Variants in NTRK1 observed in about 807,000 individuals in gnomAD.
The protein encoded by NTRK1 is high affinity nerve growth factor receptor.
Under a neutral mutation model 86.8 loss-of-function variants are expected in NTRK1, and 62 were observed. The observed-to-expected ratio is 0.71, with a 90% CI of 0.58 to 0.88. NTRK1 has a LOEUF of 0.88. Ranked by LOEUF, NTRK1 falls within the 40% of genes least tolerant of loss-of-function variation. The pLI, the probability that NTRK1 is intolerant of heterozygous loss-of-function variation, is 0.00. For missense variants in NTRK1, 967 were observed against 1,078.4 expected, an observed-to-expected ratio of 0.90 and a Z score of 1.45; for synonymous variants, 469 against 456.6, an observed-to-expected ratio of 1.03 and a Z score of -0.35.
At chr1:156,869,121 G>C (rs562910238) in intron 6 of NTRK1, among the ~76,000 whole-genome samples, 2 of 146,836 alleles carry the variant, frequency 1.4e-5, no homozygotes, top group East Asian at 2.1e-4. Context: ...GCCCAGGCTG[G>C]AGTGCAGTGG....
At chr1:156,863,468 C>G (rs1423082849) in intron 1 of NTRK1, among the ~76,000 whole-genome samples, 1 of 152,146 alleles carries the variant, frequency 6.6e-6, no homozygotes, top group African/African-American at 2.4e-5. Flanking sequence ...CTCTTCTCCC[C>G]TCCTCGACAC....
rs2102905883 is a variant in NTRK1 at position 156,873,843 on chromosome 1, T to C, written c.1061T>C (p.Val354Ala). 1 of 1,610,456 alleles carries C rather than the reference T, an allele frequency of 6.2e-7. No individual in the cohort carries two copies. Among genetic ancestry groups the C allele is most frequent in the Non-Finnish European group, 8.5e-7 (1 of 1,178,384 alleles). Residue 354 changes from valine to alanine, a missense_variant, in exon 8 of 17, where the codon GTC becomes GCC. Val to Ala is a moderately conservative substitution (Grantham distance 64, BLOSUM62 0). Transcript: ENST00000524377. ...GCLRLNQPTH[V>A]NNGNYTLLAA... The stretch of plus-strand genomic sequence containing the variant: ...CTGCGCCTCAACCAGCCCACCCACG[T>C]CAACAACGGCAACTACACGCTGCTG...
rs757983512 is a variant in NTRK1, at chr1:156,876,071, CCCCCTCAGGTGTT to C, written c.1502-7_1507del. ...TGGGGCTACCGTCTGACCCTGCAAG[CCCCCTCAGGTGTT>C]CACCACATCAAGCGCCGGGACATCG... On this transcript the variant is annotated splice_acceptor_variant and splice_polypyrimidine_tract_variant and coding_sequence_variant and intron_variant, in exon 13 of 17. Coordinates refer to ENST00000524377, the MANE Select transcript of NTRK1 (RefSeq NM_002529.4). LOFTEE classifies it high-confidence loss of function. 2 of 1,614,182 alleles carry C rather than the reference CCCCCTCAGGTGTT, an allele frequency of 1.2e-6. No individual in the cohort carries two copies. Among genetic ancestry groups the C allele is most frequent in the Non-Finnish European group, 1.7e-6 (2 of 1,180,024 alleles).
intron 2 of NTRK1, chr1:156,846,775 G>C (rs1655030312): frequency 6.3e-7 from 1 of 1,591,440 alleles, no homozygotes; most frequent in Admixed American, 1.7e-5. Flanking sequence ...CCCATCCCCA[G>C]AGCTGAGGGG....
At chr1:156,816,576 C>G in intron 1 of NTRK1, 5 of 1,326,142 alleles carry the variant, frequency 3.8e-6, no homozygotes, top group Non-Finnish European at 5.2e-6. Flanking sequence ...AGGGTGGGGC[C>G]CCTCATCCCT....
At chr1:156,841,232 A>T in intron 1 of NTRK1, 2 of 951,444 alleles carry the variant, frequency 2.1e-6, no homozygotes, top group Non-Finnish European at 1.6e-6. Flanking sequence ...GTGAGAAGGG[A>T]TTAAATGGGA....
rs386368405 is a variant in NTRK1, at chr1:156,826,293, C to CTTTTTT, written c.-64+10473_-64+10478dup. ...ACGTTGTCCAGGCTAGACTTGAGCTCTTTTTTTTTTTTTTTTTTTTTTTCT... is the reference window on the plus strand; with the variant it reads ...ACGTTGTCCAGGCTAGACTTGAGCTCTTTTTTTTTTTTTTTTTTTTTTTTTTTTTCT... On this transcript the variant is annotated intron_variant, in intron 1 of 16. Coordinates refer to the NTRK1 transcript ENST00000392302. Among the ~76,000 whole-genome samples, 397 of 88,424 alleles carry CTTTTTT rather than the reference C, an allele frequency of 4.5e-3. 27 individuals are homozygous for CTTTTTT. Among genetic ancestry groups the CTTTTTT allele is most frequent in the Middle Eastern group, 0.013 (1 of 78 alleles). 58.0% of individuals were successfully genotyped at this position (88,424 alleles called of 152,430 possible). A position where few individuals can be genotyped will look rare whatever the true frequency, so the allele number is the denominator to read the frequency against.
chr1:156,870,015 G>A lies in NTRK1; in HGVS notation c.717+1368G>A, dbSNP rs984271458. On this transcript the variant is annotated intron_variant, in intron 6 of 16. Coordinates refer to ENST00000524377, the MANE Select transcript of NTRK1 (RefSeq NM_002529.4). The stretch of plus-strand genomic sequence containing the variant: ...ACCATGTTGAGGGAGATGCCACTGG[G>A]GCGCTGAGCAGGGGGCTTCAGACAT... Among the ~76,000 whole-genome samples, 3 of 152,222 alleles carry A rather than the reference G, an allele frequency of 2.0e-5. 1 individual carries two copies. Among genetic ancestry groups the A allele is most frequent in the African/African-American group, 7.2e-5 (3 of 41,460 alleles).
intron 2 of NTRK1, chr1:156,845,274 C>T (rs1339109112): frequency 1.2e-6 from 2 of 1,612,160 alleles, no homozygotes; most frequent in Middle Eastern, 1.6e-4. Context: ...GGCCCAGCTG[C>T]CCGGCGGTGC....
At position 156,881,622 on chromosome 1, in the gene NTRK1, T is replaced by C. The variant is rs750111437; in HGVS notation, c.2371T>C (p.Tyr791His). The C allele has an allele frequency of 2.1e-5, 34 of 1,608,888 alleles. No individual in the cohort carries two copies. Among genetic ancestry groups the C allele is most frequent in the Non-Finnish European group, 2.8e-5 (33 of 1,178,198 alleles). The change falls in exon 17 of 17, where the codon TAC (tyrosine) becomes CAC (histidine). Residue 791 changes from tyrosine (Y) to histidine (H), a missense_variant. By Grantham distance (83) the Tyr-to-His change is moderately conservative. Around this residue, in one of 2 missense-constraint regions of NTRK1, gnomAD observed 637 missense variants for 776.5 expected, o/e 0.82. Coordinates refer to ENST00000524377, the MANE Select transcript of NTRK1 (RefSeq NM_002529.4). ...LQALAQAPPV[Y>H]LDVLG The stretch of plus-strand genomic sequence containing the variant: ...AGCCCTGGCCCAGGCACCTCCTGTC[T>C]ACCTGGATGTCCTGGGCTAGGGGGC...
chr1:156,830,128 G>A (rs1017807261), intron 1 of NTRK1, among the ~76,000 whole-genome samples: 8 of 152,250 alleles, frequency 5.3e-5, no homozygotes, highest in African/African-American at 1.7e-4. Flanking sequence ...AGGCCTGAAC[G>A]CTGCTTTGCA....
chr1:156,874,664 C>T (rs2102910519), intron 10 of NTRK1, 38 bp downstream of exon 10: 1 of 1,595,588 alleles, frequency 6.3e-7, no homozygotes, highest in Non-Finnish European at 8.6e-7. Context: ...GACTTTGGGA[C>T]CGGGAGGCTG....
Position 156,861,945 on chromosome 1 carries a change from A to G in NTRK1, c.212+799A>G, listed in dbSNP as rs144320543. Among the ~76,000 whole-genome samples the G allele has an allele frequency of 2.6e-5, 4 of 152,210 alleles. No homozygotes were observed. In the East Asian group the frequency reaches 7.7e-4, roughly 29 times the overall value. On this transcript the variant is annotated intron_variant, in intron 1 of 16. Coordinates refer to ENST00000524377, the MANE Select transcript of NTRK1 (RefSeq NM_002529.4). ...TACTTTTTAGCAGCTGGTGAAACCT[A>G]TGGGAGTATGCGGTAATGACTGGCC...
intron 1 of NTRK1, among the ~76,000 whole-genome samples, chr1:156,822,952 T>C (rs909340909): frequency 1.8e-4 from 27 of 152,220 alleles, no homozygotes; most frequent in African/African-American, 6.3e-4. Context: ...GTAACCATAA[T>C]TGATGATCCC....
At chr1:156,858,744 G>A, upstream of NTRK1, 1 of 759,188 alleles carries the variant, frequency 1.3e-6, no homozygotes, top group South Asian at 1.5e-5. Flanking sequence ...GGCAGGGGCA[G>A]AGAGACAAGG....
In NTRK1 at chr1:156,854,329, T is replaced by A. The variant is rs780092687; in HGVS notation, c.51-10025T>A. ...CTGTGGGCATACACGGCACGCAGCA[T>A]TGAGTACAGCCCAGGCCAAATTCCC... On this transcript the variant is annotated intron_variant, in intron 2 of 16. Coordinates refer to the NTRK1 transcript ENST00000392302. This position sits in a 1 kb window ranked among gnomAD's most constrained non-coding sequence, Gnocchi z 4.2. The A allele has an allele frequency of 6.3e-7, 1 of 1,580,530 alleles. No individual in the cohort carries two copies. The highest frequency in any genetic ancestry group is 2.3e-5 in the East Asian group (1 of 44,306).
At chr1:156,860,681 T>G (rs1054045644), upstream of NTRK1, 56 of 559,720 alleles carry the variant, frequency 1.0e-4, 1 homozygote, top group Non-Finnish European at 1.6e-4. Context: ...CTGCCGGAGC[T>G]GAGGCGGATC....
In NTRK1 at chr1:156,839,798, T is replaced by C. The variant is rs550810078; in HGVS notation, c.-63-2283T>C. Among the ~76,000 whole-genome samples, 333 of 152,322 alleles carry C rather than the reference T, an allele frequency of 2.2e-3. 1 individual carries two copies. In the Middle Eastern group the frequency reaches 0.031, roughly 14 times the overall value. Reference sequence around the variant, plus strand: ...TGAGGTGTCCGGGACTGGTTGGTTCTGCTTGGAGGCTAGACACAAAGGTTC... The same window carrying C: ...TGAGGTGTCCGGGACTGGTTGGTTCCGCTTGGAGGCTAGACACAAAGGTTC... On this transcript the variant is annotated intron_variant, in intron 1 of 16. Transcript: ENST00000392302.
chr1:156,856,966 A>G (rs747350007), upstream of NTRK1, among the ~76,000 whole-genome samples: 1 of 152,022 alleles, frequency 6.6e-6, no homozygotes, highest in African/African-American at 2.4e-5. Context: ...TAACGTCTCC[A>G]GCCTCTACTT....
Sources: gnomAD v4.1 joint callset for allele counts (sites outside exome capture counted in the v4.1 genomes callset) on GRCh38, gnomAD v4.1.1 for gene constraint, gnomAD v4.1.1 regional missense constraint, Gnocchi (gnomAD v3.1) non-coding constraint, MANE v1.5 for transcripts, NCBI Gene and HGNC (gene_info 2026-07-23, HGNC 2026-07-21) for gene names.